The following TMEM117 variants were observed in gnomAD, a reference collection of about 807,000 sequenced individuals.
The protein encoded by TMEM117 is transmembrane protein 117.
TMEM117 carries 27 observed loss-of-function variants against 52.4 expected under a neutral mutation model. That is an observed-to-expected ratio of 0.51 (90% CI 0.38 to 0.71). The LOEUF (loss-of-function observed/expected upper bound fraction) is 0.71, where lower values mean the gene tolerates loss of function less well. Ranked by LOEUF, TMEM117 falls within the 30% of genes least tolerant of loss-of-function variation. The pLI is 0.00. For missense variants in TMEM117, 556 were observed against 630.5 expected, an observed-to-expected ratio of 0.88 and a Z score of 1.26; for synonymous variants, 215 against 206.3, an observed-to-expected ratio of 1.04 and a Z score of -0.36.
At chr12:44,205,387 A>T (rs2138380693) in intron 4 of TMEM117, among the ~76,000 whole-genome samples, 1 of 152,254 alleles carries the variant, frequency 6.6e-6, no homozygotes, top group Middle Eastern at 3.4e-3. Context: ...GCCATGTGGA[A>T]CTGTGAGTCC....
At position 43,890,408 on chromosome 12, in the gene TMEM117, A is replaced by G. The variant is rs371808318; in HGVS notation, c.277+45480A>G. The stretch of plus-strand genomic sequence containing the variant: ...CCTTTTCTCTCTTCATTCAAATGAG[A>G]ATCGTTTAGATGTCCTGTCATTCTA... On this transcript the variant is annotated intron_variant, in intron 2 of 7. Transcript: ENST00000266534. Among the ~76,000 whole-genome samples, 14 of 152,256 alleles carry G rather than the reference A, an allele frequency of 9.2e-5. No homozygotes were observed. In the East Asian group the frequency reaches 2.7e-3, roughly 29 times the overall value.
At chr12:43,864,791 G>C (rs1468128995) in intron 2 of TMEM117, among the ~76,000 whole-genome samples, 1 of 152,190 alleles carries the variant, frequency 6.6e-6, no homozygotes, top group Non-Finnish European at 1.5e-5. Flanking sequence ...GCTGGAGCCA[G>C]CAGGGGGTCC....
At chr12:44,194,954 G>A (rs905017093) in intron 4 of TMEM117, among the ~76,000 whole-genome samples, 1 of 152,202 alleles carries the variant, frequency 6.6e-6, no homozygotes, top group African/African-American at 2.4e-5. Flanking sequence ...CTGTTAAAGA[G>A]CAAAGATTAG....
chr12:44,159,975 T>C (rs1422573358), intron 4 of TMEM117, among the ~76,000 whole-genome samples: 2 of 152,110 alleles, frequency 1.3e-5, no homozygotes, highest in Non-Finnish European at 1.5e-5. Context: ...AGGTTCCTAG[T>C]TTCAAATCAG....
At chr12:43,846,349 C>CACTT (rs372723797) in intron 2 of TMEM117, among the ~76,000 whole-genome samples, 5,698 of 152,192 alleles carry the variant, frequency 0.037, 267 homozygotes, top group African/African-American at 0.1. Flanking sequence ...GCGTTTGTCT[C>CACTT]TCTCTATAAT....
At chr12:44,236,350 C>T (rs996185261) in intron 5 of TMEM117, among the ~76,000 whole-genome samples, 1 of 152,060 alleles carries the variant, frequency 6.6e-6, no homozygotes, top group African/African-American at 2.4e-5. Flanking sequence ...GCTATGCTTT[C>T]AATAGGTTCT....
chr12:44,087,096 C>A (rs1204461321), intron 3 of TMEM117, among the ~76,000 whole-genome samples: 1 of 149,384 alleles, frequency 6.7e-6, no homozygotes, highest in Non-Finnish European at 1.5e-5. Flanking sequence ...TTTCTTATGC[C>A]TCTTATACAC....
At position 44,098,032 on chromosome 12, in the gene TMEM117, C is replaced by T. The variant is rs1028371706; in HGVS notation, c.411-45493C>T. Among the ~76,000 whole-genome samples, 3 of 152,060 alleles carry T rather than the reference C, an allele frequency of 2.0e-5. No individual in the cohort carries two copies. In the South Asian group the frequency reaches 6.2e-4, roughly 32 times the overall value. On this transcript the variant is annotated intron_variant, in intron 3 of 7. Coordinates refer to ENST00000266534, the MANE Select transcript of TMEM117 (RefSeq NM_032256.3). The stretch of plus-strand genomic sequence containing the variant: ...AAGTTAGAGCAGAGATGGATAAGGT[C>T]AGCTTTTGTATAAAATGGCCCCAGG...
chr12:44,092,484 C>G (rs1358656800), intron 3 of TMEM117, among the ~76,000 whole-genome samples: 3 of 152,090 alleles, frequency 2.0e-5, no homozygotes, highest in Non-Finnish European at 4.4e-5. Flanking sequence ...AGATGAAATG[C>G]TTTAATGCTA....
intron 5 of TMEM117, among the ~76,000 whole-genome samples, chr12:44,260,290 C>T (rs554072124): frequency 6.6e-6 from 1 of 152,296 alleles, no homozygotes; most frequent in East Asian, 1.9e-4. Context: ...TACAGACTCA[C>T]TTGTGATTTT....
chr12:44,072,205 A>G (rs1424781152), intron 3 of TMEM117, among the ~76,000 whole-genome samples: 5 of 151,076 alleles, frequency 3.3e-5, no homozygotes, highest in Non-Finnish European at 7.4e-5. Context: ...TGGTAATAAT[A>G]GAGAAACAAC....
chr12:44,216,053 G>T (rs1175870804), intron 5 of TMEM117, among the ~76,000 whole-genome samples: 1 of 139,920 alleles, frequency 7.1e-6, no homozygotes, highest in African/African-American at 2.9e-5. Flanking sequence ...TGTCACCCAG[G>T]CTGGAGTACA....
chr12:44,258,331 G>A (rs185093772), intron 5 of TMEM117, among the ~76,000 whole-genome samples: 2 of 152,146 alleles, frequency 1.3e-5, no homozygotes, highest in East Asian at 1.9e-4. Flanking sequence ...ATGAGCAGCC[G>A]TGGCCTCATT....
chr12:44,393,978 T>G (rs1952171514), downstream of TMEM117, among the ~76,000 whole-genome samples: 2 of 152,174 alleles, frequency 1.3e-5, no homozygotes, highest in Admixed American at 6.6e-5. Flanking sequence ...TCTGCATGTT[T>G]TGAACACATC....
chr12:44,218,335 G>T (rs1302334602), intron 5 of TMEM117, among the ~76,000 whole-genome samples: 1 of 152,110 alleles, frequency 6.6e-6, no homozygotes, highest in Admixed American at 6.6e-5. Flanking sequence ...TTCAACATCT[G>T]TAAATCAATC....
In TMEM117 at chr12:43,950,867, C is replaced by T. The variant is rs115011861; in HGVS notation, c.410+6525C>T. Among the ~76,000 whole-genome samples the T allele has an allele frequency of 7.0e-3, 1,068 of 152,222 alleles. 11 individuals carry two copies. The highest frequency in any genetic ancestry group is 0.023 in the African/African-American group (963 of 41,538). ...AGATGGTGGGAGGGGCCAAGATGGC[C>T]GAATAGAAACAGCTCGGGTCTGCAG... is the stretch of plus-strand genomic sequence containing the variant. On this transcript the variant is annotated intron_variant, in intron 3 of 7. Coordinates refer to ENST00000266534, the MANE Select transcript of TMEM117 (RefSeq NM_032256.3).
At chr12:44,392,431 A>G (rs1592011173), downstream of TMEM117, among the ~76,000 whole-genome samples, 2 of 152,280 alleles carry the variant, frequency 1.3e-5, no homozygotes, top group South Asian at 4.1e-4. Context: ...TGTGTTGTGT[A>G]GAGGACTCAA....
At chr12:43,858,857 T>A (rs969169519) in intron 2 of TMEM117, among the ~76,000 whole-genome samples, 1 of 152,222 alleles carries the variant, frequency 6.6e-6, no homozygotes, top group African/African-American at 2.4e-5. Context: ...GTTGAATACC[T>A]GTTATTTGCA....
intron 5 of TMEM117, among the ~76,000 whole-genome samples, chr12:44,245,427 T>G (rs1950116473): frequency 1.3e-5 from 2 of 152,034 alleles, no homozygotes; most frequent in Admixed American, 6.6e-5. Context: ...CCTGGTTAAA[T>G]GTACTTCTAA....
Sources: gnomAD v4.1 joint callset for allele counts (sites outside exome capture counted in the v4.1 genomes callset) on GRCh38, gnomAD v4.1.1 for gene constraint, MANE v1.5 for transcripts, NCBI Gene and HGNC (gene_info 2026-07-23, HGNC 2026-07-21) for gene names.